Variants in FRMD6 observed in about 807,000 individuals in gnomAD.
FRMD6 encodes FERM domain containing 6, also known as FERM domain-containing protein 6.
A neutral mutation model predicts 73.2 loss-of-function variants in FRMD6; 37 were observed. That is an observed-to-expected ratio of 0.51 (90% CI 0.39 to 0.66). The LOEUF (loss-of-function observed/expected upper bound fraction) is 0.66, where lower values mean the gene tolerates loss of function less well. Ranked by LOEUF, FRMD6 falls within the 30% of genes least tolerant of loss-of-function variation. FRMD6 has a pLI of 0.00. For missense variants in FRMD6, 714 were observed against 780.5 expected (o/e 0.91, Z 1.02); for synonymous variants, 273 against 282.2 (o/e 0.97, Z 0.33).
chr14:51,676,848 A>G (rs1326408379), intron 1 of FRMD6, among the ~76,000 whole-genome samples: 2 of 152,298 alleles, frequency 1.3e-5, no homozygotes, highest in South Asian at 2.1e-4. Flanking sequence ...TTTGAAGTTA[A>G]TCATACCTTT....
intron 3 of FRMD6, among the ~76,000 whole-genome samples, chr14:51,698,766 A>G (rs970546837): frequency 2.6e-5 from 4 of 151,908 alleles, no homozygotes; most frequent in South Asian, 2.1e-4. Flanking sequence ...AGTTTCTTCT[A>G]TATTCTTTGT....
chr14:51,661,162 G>T (rs1893195092), intron 1 of FRMD6, among the ~76,000 whole-genome samples: 1 of 152,152 alleles, frequency 6.6e-6, no homozygotes, highest in Non-Finnish European at 1.5e-5. Context: ...TTAGGGAAGA[G>T]GTCTAAGTTG....
At chr14:51,579,042 G>C (rs1231632809) in intron 2 of FRMD6, 1 of 152,200 alleles carries the variant, frequency 6.6e-6, no homozygotes, top group African/African-American at 2.4e-5. Flanking sequence ...AAGAGATCTA[G>C]GTGGGGCTGA....
chr14:51,419,792 T>C, the FRMD6 span, among the ~76,000 whole-genome samples: 5 of 152,242 alleles, frequency 3.3e-5, no homozygotes, highest in Non-Finnish European at 5.9e-5. Flanking sequence ...TTGTTAGGTG[T>C]GGCCATGTGA....
At chr14:51,496,059 T>C (rs1017329014) in intron 1 of FRMD6, among the ~76,000 whole-genome samples, 19 of 152,192 alleles carry the variant, frequency 1.2e-4, no homozygotes, top group Non-Finnish European at 2.4e-4. Context: ...ATGTGGAAGA[T>C]GTAGCAGCTT....
At chr14:51,704,688 G>A (rs1896520907) in intron 5 of FRMD6, 61 bp from the exon 6 acceptor site, 2 of 1,429,722 alleles carry the variant, frequency 1.4e-6, no homozygotes, top group African/African-American at 2.8e-5. Context: ...TTTGGGTTCT[G>A]TTTACATGTC....
intron 2 of FRMD6, among the ~76,000 whole-genome samples, chr14:51,589,805 A>T (rs1201861511): frequency 6.6e-6 from 1 of 152,240 alleles, no homozygotes; most frequent in Admixed American, 6.5e-5. Flanking sequence ...ATGGTGGCTC[A>T]CGCCTGTAAT....
At chr14:51,516,830 C>T (rs1167731483) in intron 1 of FRMD6, among the ~76,000 whole-genome samples, 1 of 152,164 alleles carries the variant, frequency 6.6e-6, no homozygotes, top group East Asian at 1.9e-4. Context: ...TGTCGAGTCC[C>T]TGGGCAAAGG....
chr14:51,729,058 C>T lies in FRMD6; in HGVS notation c.*1029C>T, dbSNP rs1320235837. 2.6e-5 allele frequency: 4 copies of T among 152,082 alleles called. No individual in the cohort carries two copies. The highest frequency in any genetic ancestry group is 4.4e-5 in the Non-Finnish European group (3 of 68,022). 9.4% of individuals were successfully genotyped at this position (152,082 alleles called of 1,614,324 possible). On this transcript the variant is annotated 3_prime_UTR_variant, in exon 14 of 14. Coordinates refer to ENST00000344768, the MANE Select transcript of FRMD6 (RefSeq NM_001267046.2). ...GAATATGTCACTGAGTGAATGATACCTGCAGACAGTCAGTTGATATATGTA... is the reference window on the plus strand; with the variant it reads ...GAATATGTCACTGAGTGAATGATACTTGCAGACAGTCAGTTGATATATGTA...
At chr14:51,562,111 C>A (rs1484997613) in intron 1 of FRMD6, among the ~76,000 whole-genome samples, 1 of 152,178 alleles carries the variant, frequency 6.6e-6, no homozygotes, top group African/African-American at 2.4e-5. Flanking sequence ...ACGAGTTGAG[C>A]GATGAGTATT....
At position 51,527,527 on chromosome 14, in the gene FRMD6, T is replaced by C. The variant is rs1885325693; in HGVS notation, c.-210+38107T>C. 2.0e-5 allele frequency among the ~76,000 whole-genome samples: 3 copies of C among 152,322 alleles called. No individual in the cohort carries two copies. In the Middle Eastern group the frequency reaches 0.01, roughly 518 times the overall value. On this transcript the variant is annotated intron_variant, in intron 1 of 14. Coordinates refer to the FRMD6 transcript ENST00000356218. Reference sequence around the variant, plus strand: ...ATAGGCAGACCCATAAGGAAAATAGTACTCTCTCCTCCTTTCCCTGCTTCT... The same window carrying C: ...ATAGGCAGACCCATAAGGAAAATAGCACTCTCTCCTCCTTTCCCTGCTTCT...
chr14:51,446,209 G>A, the FRMD6 span, among the ~76,000 whole-genome samples: 10 of 152,278 alleles, frequency 6.6e-5, no homozygotes, highest in Admixed American at 3.3e-4. Context: ...GATCTGCATC[G>A]CAGCAGAGCT....
At chr14:51,627,545 G>C (rs1891164290) in intron 2 of FRMD6, among the ~76,000 whole-genome samples, 1 of 152,200 alleles carries the variant, frequency 6.6e-6, no homozygotes, top group South Asian at 2.1e-4. Context: ...GAGTGGGAGA[G>C]CACTGGGCAG....
At chr14:51,557,642 T>A (rs938334280) in intron 1 of FRMD6, among the ~76,000 whole-genome samples, 13 of 152,090 alleles carry the variant, frequency 8.5e-5, no homozygotes, top group Non-Finnish European at 1.9e-4. Flanking sequence ...TACTTGAAAA[T>A]TGCTAAGAGA....
rs369811499 is a variant in FRMD6, at chr14:51,585,960, T to TATATATATATATATATAA, written c.-147+15551_-147+15552insTATATATATATATATAAA. On this transcript the variant is annotated intron_variant, in intron 2 of 14. Transcript: ENST00000356218. ...GTGTGTATATATATATATATATATA[T>TATATATATATATATATAA]AACATTTTCTTTATCAAACCTTTGT... 7.2e-3 allele frequency among the ~76,000 whole-genome samples: 651 copies of TATATATATATATATATAA among 90,760 alleles called. 37 individuals are homozygous for TATATATATATATATATAA. Among genetic ancestry groups the TATATATATATATATATAA allele is most frequent in the East Asian group, 0.015 (35 of 2,336 alleles). The allele number at this position is 90,760 out of a possible 152,430, so 59.5% of individuals were successfully genotyped here.
the FRMD6 span, among the ~76,000 whole-genome samples, chr14:51,406,131 A>G: frequency 2.0e-5 from 3 of 152,116 alleles, no homozygotes; most frequent in Non-Finnish European, 1.5e-5. Context: ...TTTGTCAAAG[A>G]GATGGTCATA....
chr14:51,438,449 A>G, the FRMD6 span, among the ~76,000 whole-genome samples: 1 of 152,242 alleles, frequency 6.6e-6, no homozygotes, highest in Non-Finnish European at 1.5e-5. Flanking sequence ...TACACAAAGG[A>G]TTTGATGCTT....
intron 1 of FRMD6, among the ~76,000 whole-genome samples, chr14:51,545,128 A>G (rs963463361): frequency 2.6e-5 from 4 of 152,102 alleles, no homozygotes; most frequent in Admixed American, 2.0e-4. Flanking sequence ...GTGCCCAGAC[A>G]TGCACTAGAC....
intron 2 of FRMD6, among the ~76,000 whole-genome samples, chr14:51,570,766 C>T (rs1484890357): frequency 6.6e-6 from 1 of 152,196 alleles, no homozygotes; most frequent in African/African-American, 2.4e-5. Context: ...CTCTCTGGGT[C>T]GATTGCATTT....
Sources: gnomAD v4.1 joint callset for allele counts (sites outside exome capture counted in the v4.1 genomes callset) on GRCh38, gnomAD v4.1.1 for gene constraint, MANE v1.5 for transcripts, NCBI Gene and HGNC (gene_info 2026-07-23, HGNC 2026-07-21) for gene names.